The following EML5 variants were observed in gnomAD, a reference collection of about 807,000 sequenced individuals.
EML5 encodes the protein echinoderm microtubule-associated protein-like 5.
In EML5, 120 loss-of-function variants were observed where a neutral mutation model predicts 250.0. The observed-to-expected ratio is 0.48, with a 90% CI of 0.41 to 0.56. The LOEUF (loss-of-function observed/expected upper bound fraction) is 0.56, where lower values mean the gene tolerates loss of function less well. Ranked by LOEUF, EML5 falls within the 20% of genes least tolerant of loss-of-function variation. The pLI, the probability that EML5 is intolerant of heterozygous loss-of-function variation, is 0.00. For missense variants in EML5, 2,006 were observed against 2,437.6 expected, an observed-to-expected ratio of 0.82 and a Z score of 3.73; for synonymous variants, 771 against 806.5, an observed-to-expected ratio of 0.96 and a Z score of 0.75.
chr14:88,637,985 G>T lies in EML5; in HGVS notation c.4336+824C>A, dbSNP rs528177587. On this transcript the variant is annotated intron_variant, in intron 32 of 43. Transcript: ENST00000554922. Reference sequence around the variant, plus strand: ...CAGGCAACCCAGACAACAAATTCCTGACTATCAACTTAGTACTCGCATGAA... The same window carrying T: ...CAGGCAACCCAGACAACAAATTCCTTACTATCAACTTAGTACTCGCATGAA... Among the ~76,000 whole-genome samples, 290 of 152,210 alleles carry T rather than the reference G, an allele frequency of 1.9e-3. 4 individuals are homozygous for T. Among genetic ancestry groups the T allele is most frequent in the African/African-American group, 6.6e-3 (276 of 41,522 alleles).
intron 27 of EML5, among the ~76,000 whole-genome samples, chr14:88,652,123 A>G (rs1336996195): frequency 6.6e-6 from 1 of 152,186 alleles, no homozygotes; most frequent in Non-Finnish European, 1.5e-5. Context: ...GGAATTCTGT[A>G]CAAGTACTTA....
At chr14:88,658,987 T>C (rs1487281495) in intron 25 of EML5, among the ~76,000 whole-genome samples, 1 of 152,184 alleles carries the variant, frequency 6.6e-6, no homozygotes, top group Non-Finnish European at 1.5e-5. Context: ...CCCATGTAAA[T>C]ATCTTTCATC....
chr14:88,661,901 A>G (rs1031234652), intron 24 of EML5, 71 bp from the exon 25 acceptor site: 60 of 1,368,298 alleles, frequency 4.4e-5, no homozygotes, highest in Non-Finnish European at 5.8e-5. Flanking sequence ...AAATGTAAAC[A>G]TTTTTCTTTG....
intron 40 of EML5, 46 bp from the exon 41 acceptor site, chr14:88,618,377 G>A: frequency 2.0e-6 from 3 of 1,535,274 alleles, no homozygotes; most frequent in South Asian, 1.1e-5. Context: ...TTAGGTGAGA[G>A]ACAAAATCCA....
rs559873196 is a variant in EML5, at chr14:88,681,742, A to G, written c.3124+148T>C. ...AGACTGAGTACAATTACGTTTCTCT[A>G]TGTGGCACCATGAGCAAGTAGACAT... On this transcript the variant is annotated intron_variant, in intron 21 of 43. Coordinates refer to ENST00000554922, the MANE Select transcript of EML5 (RefSeq NM_183387.3). 36 of 919,262 alleles carry G rather than the reference A, an allele frequency of 3.9e-5. No individual in the cohort carries two copies. In the East Asian group the frequency reaches 9.9e-4, roughly 25 times the overall value. The allele number at this position is 919,262 out of a possible 1,614,324, so 56.9% of individuals were successfully genotyped here. A position where few individuals can be genotyped will look rare whatever the true frequency, so the allele number is the denominator to read the frequency against.
At chr14:88,730,078 G>T (rs2093731751) in intron 7 of EML5, among the ~76,000 whole-genome samples, 2 of 151,852 alleles carry the variant, frequency 1.3e-5, no homozygotes, top group Non-Finnish European at 2.9e-5. Context: ...GTGACATTTT[G>T]TTATTATTTT....
At chr14:88,768,148 A>G (rs1266411884) in intron 1 of EML5, among the ~76,000 whole-genome samples, 6 of 152,212 alleles carry the variant, frequency 3.9e-5, no homozygotes. Context: ...CACAAAAATT[A>G]CATTTGTCCT....
intron 33 of EML5, among the ~76,000 whole-genome samples, chr14:88,631,159 C>G (rs1486378294): frequency 1.3e-5 from 2 of 149,958 alleles, no homozygotes; most frequent in Non-Finnish European, 3.0e-5. Context: ...TTATCAGAGA[C>G]AAAAGATATT....
At chr14:88,734,021 A>G (rs1028646783) in intron 7 of EML5, among the ~76,000 whole-genome samples, 49 of 152,270 alleles carry the variant, frequency 3.2e-4, no homozygotes, top group Non-Finnish European at 5.7e-4. Flanking sequence ...TAAAAAAAAA[A>G]GCAAGTAACA....
At chr14:88,720,701 C>G (rs1437726375) in intron 8 of EML5, among the ~76,000 whole-genome samples, 1 of 152,080 alleles carries the variant, frequency 6.6e-6, no homozygotes, top group Non-Finnish European at 1.5e-5. Flanking sequence ...AAACATTGCC[C>G]TTGAAAACTG....
intron 1 of EML5, among the ~76,000 whole-genome samples, chr14:88,780,637 G>A (rs866721480): frequency 8.6e-5 from 13 of 152,042 alleles, no homozygotes; most frequent in South Asian, 4.2e-4. Flanking sequence ...GTGCAGAGGC[G>A]CGATCTTGGC....
chr14:88,659,431 C>T (rs1385275927), intron 25 of EML5, among the ~76,000 whole-genome samples: 12 of 152,104 alleles, frequency 7.9e-5, no homozygotes, highest in Non-Finnish European at 2.9e-5. Context: ...AGGCTGGTCT[C>T]GAACTCCTGA....
chr14:88,724,146 G>A (rs1257764253), intron 8 of EML5, among the ~76,000 whole-genome samples: 2 of 151,322 alleles, frequency 1.3e-5, no homozygotes, highest in African/African-American at 2.4e-5. Context: ...GTGGTGGCAC[G>A]CACCTATAGT....
chr14:88,765,782 A>G (rs946905154), intron 1 of EML5, among the ~76,000 whole-genome samples: 3 of 152,188 alleles, frequency 2.0e-5, no homozygotes, highest in African/African-American at 2.4e-5. Flanking sequence ...TTCAGTTCTA[A>G]GTATTCCATT....
chr14:88,772,483 C>A (rs149508632), intron 1 of EML5, among the ~76,000 whole-genome samples: 1 of 152,302 alleles, frequency 6.6e-6, no homozygotes, highest in African/African-American at 2.4e-5. Flanking sequence ...TTCGGCCGGA[C>A]GAGGTAGCTC....
intron 1 of EML5, among the ~76,000 whole-genome samples, chr14:88,780,287 A>G (rs1048041943): frequency 6.6e-6 from 1 of 152,104 alleles, no homozygotes; most frequent in Non-Finnish European, 1.5e-5. Flanking sequence ...AGAGGTATTG[A>G]CTGTCTTTGT....
At chr14:88,629,616 C>T (rs1365149409) in intron 33 of EML5, among the ~76,000 whole-genome samples, 2 of 152,176 alleles carry the variant, frequency 1.3e-5, no homozygotes, top group Non-Finnish European at 2.9e-5. Flanking sequence ...ATTCTTCCTC[C>T]ACCTGTTCCA....
chr14:88,632,080 C>T (rs1430927285), intron 33 of EML5, among the ~76,000 whole-genome samples: 1 of 152,102 alleles, frequency 6.6e-6, no homozygotes, highest in Non-Finnish European at 1.5e-5. Flanking sequence ...TGGATAATTT[C>T]TTCCTGTCAA....
chr14:88,654,379 G>T (rs1391306460), intron 27 of EML5, among the ~76,000 whole-genome samples: 1 of 151,954 alleles, frequency 6.6e-6, no homozygotes, highest in African/African-American at 2.4e-5. Context: ...TTAGGATGTT[G>T]ATTTTAGATC....
Sources: allele counts gnomAD v4.1 joint callset (sites outside exome capture counted in the v4.1 genomes callset), GRCh38; gene constraint gnomAD v4.1.1; transcripts MANE v1.5; gene names NCBI Gene and HGNC (gene_info 2026-07-23, HGNC 2026-07-21).